The following NPAS3 variants were observed in gnomAD, a reference collection of about 807,000 sequenced individuals.
The protein encoded by NPAS3 is neuronal PAS domain-containing protein 3.
A neutral mutation model predicts 73.1 loss-of-function variants in NPAS3; 14 were observed. That is an observed-to-expected ratio of 0.19 (90% CI 0.13 to 0.30). NPAS3 has a LOEUF of 0.30. Among genes scored for constraint, NPAS3 ranks in the 10% least tolerant of loss-of-function variants. The pLI, the probability that NPAS3 is intolerant of heterozygous loss-of-function variation, is 1.00. For synonymous variants in NPAS3, 620 were observed against 541.5 expected (o/e 1.14, Z -2.01); for missense variants, 1,096 against 1,250.0 (o/e 0.88, Z 1.86).
intron 1 of NPAS3, among the ~76,000 whole-genome samples, chr14:33,047,736 G>C (rs938748929): frequency 1.1e-4 from 16 of 152,154 alleles, no homozygotes; most frequent in African/African-American, 3.9e-4. Flanking sequence ...CAAATGTGAA[G>C]GGTGCTGTCC....
At chr14:33,514,583 G>A (rs543910264) in intron 4 of NPAS3, among the ~76,000 whole-genome samples, 115 of 152,010 alleles carry the variant, frequency 7.6e-4, no homozygotes, top group Non-Finnish European at 1.3e-3. Context: ...ATCTAATCTC[G>A]TCAAGAAGGT....
chr14:33,273,511 C>G (rs1332569110), intron 3 of NPAS3, among the ~76,000 whole-genome samples: 1 of 152,132 alleles, frequency 6.6e-6, no homozygotes, highest in Non-Finnish European at 1.5e-5. Flanking sequence ...CTTGAACAAC[C>G]TAGAGAATTA....
chr14:33,099,431 C>G (rs999796245), intron 2 of NPAS3, among the ~76,000 whole-genome samples: 2 of 151,998 alleles, frequency 1.3e-5, no homozygotes, highest in African/African-American at 4.8e-5. Context: ...CTATGAATCT[C>G]AGGTTCAGAA....
intron 2 of NPAS3, among the ~76,000 whole-genome samples, chr14:33,096,295 A>G (rs1471316385): frequency 6.6e-6 from 1 of 152,128 alleles, no homozygotes; most frequent in Non-Finnish European, 1.5e-5. Flanking sequence ...TGAATAGCTC[A>G]GCTAGAAAGT....
chr14:33,097,843 TTCTACTGAGTTATTA>T (rs552473941), intron 2 of NPAS3, among the ~76,000 whole-genome samples: 167 of 152,356 alleles, frequency 1.1e-3, no homozygotes, highest in African/African-American at 3.6e-3. Flanking sequence ...ACTAATTTTT[TTCTACTGAGTTATTA>T]TCTGCTTTCT....
chr14:33,543,937 G>T, intron 4 of NPAS3, among the ~76,000 whole-genome samples: 1 of 130,962 alleles, frequency 7.6e-6, no homozygotes, highest in Non-Finnish European at 1.6e-5. Context: ...AGACAGGTAT[G>T]GCAAAGTGCA....
At chr14:33,020,129 A>T (rs1230992410) in intron 1 of NPAS3, among the ~76,000 whole-genome samples, 1 of 152,370 alleles carries the variant, frequency 6.6e-6, no homozygotes, top group South Asian at 2.1e-4. Flanking sequence ...TTCTTTATTT[A>T]AAAATGGGTA....
intron 3 of NPAS3, among the ~76,000 whole-genome samples, chr14:33,275,181 A>G (rs1286263104): frequency 6.6e-6 from 1 of 152,192 alleles, no homozygotes; most frequent in Admixed American, 6.5e-5. Context: ...TATCAGAATG[A>G]TGTATCTGCA....
chr14:33,709,275 T>C lies in NPAS3; in HGVS notation c.734-25939T>C, dbSNP rs543655116. Among the ~76,000 whole-genome samples the C allele has an allele frequency of 2.1e-3, 314 of 152,352 alleles. 2 individuals are homozygous for C. The highest frequency in any genetic ancestry group is 3.4e-3 in the Non-Finnish European group (234 of 68,040). ...CTGGAGAAAGGTGGTTGTTCATGAATAGGAGGTTAATCAGCTTCTTATAAA... is the reference window on the plus strand; with the variant it reads ...CTGGAGAAAGGTGGTTGTTCATGAACAGGAGGTTAATCAGCTTCTTATAAA... On this transcript the variant is annotated intron_variant, in intron 6 of 11. Coordinates refer to ENST00000356141, the Ensembl canonical transcript of NPAS3.
chr14:33,502,577 A>T (rs2052570229), intron 4 of NPAS3, among the ~76,000 whole-genome samples: 1 of 151,856 alleles, frequency 6.6e-6, no homozygotes, highest in Non-Finnish European at 1.5e-5. Context: ...TTTCTAGAGA[A>T]CTTCCTCCAA....
At chr14:33,369,527 A>G (rs2045994749) in intron 4 of NPAS3, among the ~76,000 whole-genome samples, 1 of 152,172 alleles carries the variant, frequency 6.6e-6, no homozygotes, top group Non-Finnish European at 1.5e-5. Flanking sequence ...AAACTCCTAA[A>G]TAGGGCTGGT....
intron 5 of NPAS3, among the ~76,000 whole-genome samples, chr14:33,581,501 A>T (rs1426484935): frequency 1.3e-5 from 2 of 152,184 alleles, no homozygotes; most frequent in Non-Finnish European, 2.9e-5. Flanking sequence ...TTCACAACGG[A>T]TTTATATTTA....
At chr14:33,179,168 A>T (rs556094673) in intron 2 of NPAS3, among the ~76,000 whole-genome samples, 1 of 152,112 alleles carries the variant, frequency 6.6e-6, no homozygotes, top group South Asian at 2.1e-4. Flanking sequence ...TGGTCTAATT[A>T]TGTTAATATG....
intron 2 of NPAS3, among the ~76,000 whole-genome samples, chr14:33,159,451 T>C (rs1039734750): frequency 1.3e-5 from 2 of 152,182 alleles, no homozygotes; most frequent in African/African-American, 4.8e-5. Context: ...CAGATTTCTT[T>C]TGTCCAAAAC....
At chr14:33,498,275 A>T (rs2052314067) in intron 4 of NPAS3, among the ~76,000 whole-genome samples, 1 of 152,166 alleles carries the variant, frequency 6.6e-6, no homozygotes, top group Non-Finnish European at 1.5e-5. Flanking sequence ...ATTGTGGAAG[A>T]CAGTGTGGCG....
chr14:33,254,786 A>G (rs777118879), intron 3 of NPAS3, among the ~76,000 whole-genome samples: 3 of 152,202 alleles, frequency 2.0e-5, no homozygotes, highest in Non-Finnish European at 4.4e-5. Context: ...ATTCTAGAGG[A>G]ATTATCAAAT....
chr14:32,975,622 T>C (rs1273597177), intron 1 of NPAS3, among the ~76,000 whole-genome samples: 5 of 152,246 alleles, frequency 3.3e-5, no homozygotes, highest in African/African-American at 4.8e-5. Context: ...ACCAGTGTGA[T>C]TGAGCAAAAG....
chr14:33,671,105 G>A (rs1015402254), intron 5 of NPAS3, among the ~76,000 whole-genome samples: 2 of 152,128 alleles, frequency 1.3e-5, no homozygotes, highest in Admixed American at 6.5e-5. Flanking sequence ...ATTCTCTTAA[G>A]TTGTTCCAAT....
chr14:33,690,745 T>G (rs531134500), intron 6 of NPAS3, among the ~76,000 whole-genome samples: 122 of 152,228 alleles, frequency 8.0e-4, no homozygotes, highest in African/African-American at 2.9e-3. Context: ...GTGTTGAAAA[T>G]TTTAATTCTA....
Sources: gnomAD v4.1 joint callset for allele counts (sites outside exome capture counted in the v4.1 genomes callset) on GRCh38, gnomAD v4.1.1 for gene constraint, MANE v1.5 for transcripts, NCBI Gene and HGNC (gene_info 2026-07-23, HGNC 2026-07-21) for gene names.